ADAMTS3: variants seen among roughly 807,000 people sequenced by gnomAD.
ADAMTS3 encodes A disintegrin and metalloproteinase with thrombospondin motifs 3.
In ADAMTS3, 73 loss-of-function variants were observed where a neutral mutation model predicts 129.0. That is an observed-to-expected ratio of 0.57 (90% confidence interval 0.47 to 0.69). The LOEUF is 0.69. ADAMTS3 is among the 30% of genes least tolerant of loss of function. The pLI, the probability that ADAMTS3 is intolerant of heterozygous loss-of-function variation, is 0.00. For synonymous variants in ADAMTS3, 477 were observed against 510.8 expected (o/e 0.93, Z 0.89); for missense variants, 1,457 against 1,514.5 (o/e 0.96, Z 0.63).
chr4:72,428,814 A>T (rs1223599586), intron 3 of ADAMTS3, among the ~76,000 whole-genome samples: 2 of 151,976 alleles, frequency 1.3e-5, no homozygotes, highest in Non-Finnish European at 2.9e-5. Flanking sequence ...CTATTATTTA[A>T]ATTATATTCT....
intron 3 of ADAMTS3, among the ~76,000 whole-genome samples, chr4:72,453,174 A>G (rs141077564): frequency 4.3e-3 from 650 of 151,952 alleles, no homozygotes; most frequent in Non-Finnish European, 7.2e-3. Context: ...TAAAAAACAT[A>G]GAGAAATTCT....
chr4:72,397,408 A>G (rs1291932488), intron 4 of ADAMTS3, among the ~76,000 whole-genome samples: 6 of 152,016 alleles, frequency 3.9e-5, no homozygotes, highest in African/African-American at 1.4e-4. Flanking sequence ...TACCAAAAGT[A>G]CAATAAATTA....
At chr4:72,287,872 T>C (rs1263373779) in intron 21 of ADAMTS3, among the ~76,000 whole-genome samples, 1 of 152,174 alleles carries the variant, frequency 6.6e-6, no homozygotes, top group Non-Finnish European at 1.5e-5. Context: ...TTGTTTTATT[T>C]ACTTATGTTT....
At chr4:72,472,752 T>C (rs865840299) in intron 3 of ADAMTS3, among the ~76,000 whole-genome samples, 2 of 152,188 alleles carry the variant, frequency 1.3e-5, no homozygotes, top group Admixed American at 6.5e-5. Flanking sequence ...ACATATAAGA[T>C]AGTCAAAATG....
intron 7 of ADAMTS3, among the ~76,000 whole-genome samples, chr4:72,320,298 T>C (rs1719518544): frequency 6.6e-6 from 1 of 152,150 alleles, no homozygotes; most frequent in South Asian, 2.1e-4. Context: ...ATTCCATCAA[T>C]GTTAAAAAGA....
chr4:72,467,000 A>G (rs367860566), intron 3 of ADAMTS3, among the ~76,000 whole-genome samples: 1 of 152,064 alleles, frequency 6.6e-6, no homozygotes, highest in African/African-American at 2.4e-5. Context: ...TTAAAACCTC[A>G]CTATATCTCT....
At chr4:72,295,121 G>A (rs1718771673) in intron 19 of ADAMTS3, among the ~76,000 whole-genome samples, 1 of 151,956 alleles carries the variant, frequency 6.6e-6, no homozygotes, top group Non-Finnish European at 1.5e-5. Context: ...ATTTATTCTG[G>A]AAGAAACGTT....
At position 72,318,147 on chromosome 4, in the gene ADAMTS3, A is replaced by G. The variant is rs985837119; in HGVS notation, c.1485+425T>C. Among the ~76,000 whole-genome samples the G allele has an allele frequency of 4.6e-5, 7 of 152,182 alleles. No individual in the cohort carries two copies. The South Asian group carries it at 1.5e-3, about 32-fold the overall frequency. ...GCACAATCCTTCCCTATGGTCACAC[A>G]TACATGGAATCCTGCCATCAAGCTA... On this transcript the variant is annotated intron_variant, in intron 10 of 21. Transcript: ENST00000286657.
chr4:72,479,684 A>C (rs563653901), intron 3 of ADAMTS3, among the ~76,000 whole-genome samples: 1 of 152,310 alleles, frequency 6.6e-6, no homozygotes, highest in South Asian at 2.1e-4. Context: ...AAAAGACAAA[A>C]TTAACAAATG....
rs1367819128 is a variant in ADAMTS3, at chr4:72,439,621, ATT to A, written c.505-24652_505-24651del. On this transcript the variant is annotated intron_variant, in intron 3 of 21. Coordinates refer to ENST00000286657, the MANE Select transcript of ADAMTS3 (RefSeq NM_014243.3). ...ATCATATTATTTAGATTAAAATGTT[ATT>A]TAAAAAAATCACCACCCTAACCAGT... Among the ~76,000 whole-genome samples, 6 of 151,810 alleles carry A rather than the reference ATT, an allele frequency of 4.0e-5. No homozygotes were observed. In the East Asian group the frequency reaches 9.8e-4, roughly 25 times the overall value.
rs765504651 is a variant in ADAMTS3, at chr4:72,473,552, G to GAA, written c.505-58583_505-58582dup. On this transcript the variant is annotated intron_variant, in intron 3 of 21. Transcript: ENST00000286657. ...AGTTTTACACAAGCCAAACACCACA[G>GAA]AAAAAAAAAAAAAAAACACGGTCCT... Among the ~76,000 whole-genome samples the GAA allele has an allele frequency of 1.4e-3, 159 of 117,276 alleles. 1 individual carries two copies. The highest frequency in any genetic ancestry group is 4.7e-3 in the African/African-American group (146 of 31,278). The allele number at this position is 117,276 out of a possible 152,430, so 76.9% of individuals were successfully genotyped here.
chr4:72,486,448 T>C (rs939529910), intron 3 of ADAMTS3, among the ~76,000 whole-genome samples: 5 of 152,314 alleles, frequency 3.3e-5, no homozygotes, highest in African/African-American at 9.6e-5. Flanking sequence ...ATTTGAATCA[T>C]AGGTTCTATG....
chr4:72,498,145 T>C (rs1233979770), intron 3 of ADAMTS3, among the ~76,000 whole-genome samples: 3 of 152,070 alleles, frequency 2.0e-5, no homozygotes, highest in African/African-American at 7.2e-5. Context: ...GTGTCCTTTG[T>C]CTTAGAGAGC....
rs199836700 is a variant in ADAMTS3, at chr4:72,451,701, G to GTATATA, written c.505-36731_505-36730insTATATA. Among the ~76,000 whole-genome samples, 1,084 of 151,774 alleles carry GTATATA rather than the reference G, an allele frequency of 7.1e-3. 15 individuals are homozygous for GTATATA. Among genetic ancestry groups the GTATATA allele is most frequent in the African/African-American group, 0.025 (1,029 of 41,442 alleles). On this transcript the variant is annotated intron_variant, in intron 3 of 21. Transcript: ENST00000286657. ...CCAAAACCCAATATATCTCTGACAA[G>GTATATA]ATTTTTCATAAATTATATACGTTAA...
At chr4:72,374,706 TA>T (rs1721095002) in intron 4 of ADAMTS3, among the ~76,000 whole-genome samples, 1 of 152,248 alleles carries the variant, frequency 6.6e-6, no homozygotes, top group Admixed American at 6.5e-5. Flanking sequence ...TGACTGATTA[TA>T]TTTTTGCATA....
rs1001489738 is a variant in ADAMTS3, at chr4:72,498,353, TA to T, written c.504+50124del. Among the ~76,000 whole-genome samples the T allele has an allele frequency of 6.0e-5, 9 of 149,772 alleles. No individual in the cohort carries two copies. The South Asian group carries it at 1.3e-3, about 21-fold the overall frequency. On this transcript the variant is annotated intron_variant, in intron 3 of 21. Transcript: ENST00000286657. ...ATCACGAGCTCTACTCACAGTAATG[TA>T]AAAAAAAAGACATCAGAACTCAAAC...
intron 21 of ADAMTS3, among the ~76,000 whole-genome samples, chr4:72,284,605 C>G (rs757407883): frequency 6.6e-6 from 1 of 151,998 alleles, no homozygotes; most frequent in African/African-American, 2.4e-5. Flanking sequence ...ATTGAATTGA[C>G]AGTACTTTAT....
chr4:72,320,820 C>G lies in ADAMTS3; in HGVS notation c.996G>C (p.Val332=), dbSNP rs776960624. Reference sequence around the variant, plus strand: ...TTTGCTGTTGGGACGCCCAGCGACACACATTCTCCAAGCTTCTGGATGGGT... The same window carrying G: ...TTTGCTGTTGGGACGCCCAGCGACAGACATTCTCCAAGCTTCTGGATGGGT... ...RGNPSRSLEN[V]CRWASQQQRS... The change falls in exon 7 of 22, where the codon GTG becomes GTC. Residue 332 remains valine (V), a synonymous_variant. Transcript: ENST00000286657. The G allele has an allele frequency of 6.2e-7, 1 of 1,613,910 alleles. No individual in the cohort carries two copies. Among genetic ancestry groups the G allele is most frequent in the African/African-American group, 1.3e-5 (1 of 74,918 alleles).
chr4:72,297,221 T>TGACTG, intron 18 of ADAMTS3, among the ~76,000 whole-genome samples: 1 of 152,192 alleles, frequency 6.6e-6, no homozygotes, highest in East Asian at 1.9e-4. Flanking sequence ...CCCAAAGTGG[T>TGACTG]GACTGGAGTC....
Sources: allele counts gnomAD v4.1 joint callset (sites outside exome capture counted in the v4.1 genomes callset), GRCh38; gene constraint gnomAD v4.1.1; transcripts MANE v1.5; gene names NCBI Gene and HGNC (gene_info 2026-07-23, HGNC 2026-07-21).